PTPRM: variants seen among roughly 807,000 people sequenced by gnomAD.
PTPRM encodes receptor-type tyrosine-protein phosphatase mu.
Under a neutral mutation model 186.7 loss-of-function variants are expected in PTPRM, and 47 were observed. That is an observed-to-expected ratio of 0.25 (90% CI 0.20 to 0.32). The LOEUF (loss-of-function observed/expected upper bound fraction) is 0.32. Among genes scored for constraint, PTPRM ranks in the 10% least tolerant of loss-of-function variants. PTPRM has a pLI of 1.00. For synonymous variants in PTPRM, 668 were observed against 674.9 expected (o/e 0.99, Z 0.16); for missense variants, 1,494 against 1,865.0 (o/e 0.80, Z 3.66).
At chr18:8,083,256 G>A (rs1443099619) in intron 9 of PTPRM, among the ~76,000 whole-genome samples, 1 of 152,130 alleles carries the variant, frequency 6.6e-6, no homozygotes, top group Non-Finnish European at 1.5e-5. Flanking sequence ...AGGGCTTCCT[G>A]TTGTATGTAT....
chr18:8,337,184 T>G (rs1020448923), intron 22 of PTPRM, among the ~76,000 whole-genome samples: 1 of 152,170 alleles, frequency 6.6e-6, no homozygotes, highest in African/African-American at 2.4e-5. Context: ...TCCAAGGGTA[T>G]GCATAGCTCA....
chr18:7,685,106 C>T (rs1447135594), intron 1 of PTPRM, among the ~76,000 whole-genome samples: 1 of 152,154 alleles, frequency 6.6e-6, no homozygotes, highest in African/African-American at 2.4e-5. Context: ...ACAGGAGTGG[C>T]ACATCATCAT....
At chr18:7,780,611 G>T (rs9959159) in intron 2 of PTPRM, among the ~76,000 whole-genome samples, 14 of 152,232 alleles carry the variant, frequency 9.2e-5, no homozygotes, top group East Asian at 1.9e-4. Flanking sequence ...TTCGTGGAAC[G>T]ACTACTATGG....
intron 13 of PTPRM, among the ~76,000 whole-genome samples, chr18:8,122,982 A>G (rs2092228206): frequency 6.6e-6 from 1 of 152,244 alleles, no homozygotes; most frequent in Non-Finnish European, 1.5e-5. Context: ...TGAATGGCTT[A>G]GAGTCATGGA....
intron 2 of PTPRM, among the ~76,000 whole-genome samples, chr18:7,779,386 G>A (rs1425454488): frequency 6.6e-6 from 1 of 152,206 alleles, no homozygotes; most frequent in East Asian, 1.9e-4. Context: ...ATGTGACTAA[G>A]AATTGAATCA....
At position 7,609,449 on chromosome 18, in the gene PTPRM, C is replaced by T. The variant is rs550161993; in HGVS notation, c.73+41558C>T. On this transcript the variant is annotated intron_variant, in intron 1 of 32. Transcript: ENST00000580170. ...TGCTTTGGGGCGCCATTTCCCCTTT[C>T]GGAGAACCAGAGTCCTCTTGCATAG... is the stretch of plus-strand genomic sequence containing the variant. Among the ~76,000 whole-genome samples the T allele has an allele frequency of 5.4e-4, 81 of 151,364 alleles. 2 individuals carry two copies. Among genetic ancestry groups the T allele is most frequent in the Admixed American group, 1.4e-3 (21 of 15,212 alleles).
chr18:7,902,210 A>G (rs1484840211), intron 3 of PTPRM, among the ~76,000 whole-genome samples: 1 of 152,206 alleles, frequency 6.6e-6, no homozygotes, highest in East Asian at 1.9e-4. Context: ...CAGGAAACAT[A>G]TTTGTAATCA....
intron 14 of PTPRM, among the ~76,000 whole-genome samples, chr18:8,145,954 G>A (rs180709584): frequency 4.0e-5 from 6 of 151,764 alleles, no homozygotes; most frequent in South Asian, 4.2e-4. Context: ...CACCAACAGT[G>A]TAAAAGTGTT....
At chr18:7,787,702 T>C (rs1422410459) in intron 2 of PTPRM, among the ~76,000 whole-genome samples, 2 of 152,260 alleles carry the variant, frequency 1.3e-5, no homozygotes, top group Admixed American at 6.5e-5. Context: ...GTGTTGTATA[T>C]GCCACTGAGA....
chr18:8,252,508 C>T lies in PTPRM; in HGVS notation c.2566+9C>T. On this transcript the variant is annotated intron_variant, in intron 18 of 32. Coordinates refer to ENST00000580170, the MANE Select transcript of PTPRM (RefSeq NM_001105244.2). ...AAAAGTGCCAATAAATGGTAAGTTC[C>T]CCGATTCGCCCCATGGAAGAGTTGT... 1 of 1,545,984 alleles carries T rather than the reference C, an allele frequency of 6.5e-7. No individual in the cohort carries two copies. The highest frequency in any genetic ancestry group is 1.4e-5 in the African/African-American group (1 of 73,432).
At chr18:8,280,791 T>C (rs530027926) in intron 19 of PTPRM, among the ~76,000 whole-genome samples, 3 of 152,104 alleles carry the variant, frequency 2.0e-5, no homozygotes, top group Non-Finnish European at 4.4e-5. Flanking sequence ...GGCTGTGCAG[T>C]GATTAAAAGA....
chr18:8,022,570 A>G (rs79074392), intron 7 of PTPRM, among the ~76,000 whole-genome samples: 3,553 of 152,244 alleles, frequency 0.023, 139 homozygotes, highest in African/African-American at 0.081. Context: ...GACAGAAACC[A>G]TAACAGGTCT....
chr18:8,305,631 T>C (rs984089628), intron 20 of PTPRM, among the ~76,000 whole-genome samples: 1 of 152,208 alleles, frequency 6.6e-6, no homozygotes, highest in African/African-American at 2.4e-5. Flanking sequence ...CGTGCTCCAC[T>C]ACACAGAAAT....
chr18:8,215,731 A>G (rs1214250653), intron 14 of PTPRM, among the ~76,000 whole-genome samples: 1 of 151,226 alleles, frequency 6.6e-6, no homozygotes, highest in African/African-American at 2.4e-5. Flanking sequence ...CATTTTTTGT[A>G]GAGACCAGGT....
At chr18:8,405,290 G>T (rs114952791) in intron 32 of PTPRM, 1 of 152,114 alleles carries the variant, frequency 6.6e-6, no homozygotes, top group Non-Finnish European at 1.5e-5. Flanking sequence ...TGTTGCCTCC[G>T]CCTGGAATGC....
intron 7 of PTPRM, among the ~76,000 whole-genome samples, chr18:7,964,200 G>A (rs1003208564): frequency 9.2e-5 from 14 of 152,110 alleles, no homozygotes; most frequent in African/African-American, 3.4e-4. Context: ...TACTGCATAC[G>A]TATGTGTTTT....
At chr18:8,319,380 C>G (rs1188805974) in intron 22 of PTPRM, among the ~76,000 whole-genome samples, 166 bp downstream of exon 22, 1 of 152,162 alleles carries the variant, frequency 6.6e-6, no homozygotes, top group Admixed American at 6.5e-5. Flanking sequence ...TCATGTAAAT[C>G]ATTTAGTTAG....
chr18:8,209,744 G>T (rs931090898), intron 14 of PTPRM, among the ~76,000 whole-genome samples: 3 of 151,948 alleles, frequency 2.0e-5, no homozygotes, highest in Non-Finnish European at 4.4e-5. Context: ...GACACCGCAG[G>T]TTCTCACTCA....
At chr18:7,867,657 A>T (rs567211950) in intron 2 of PTPRM, among the ~76,000 whole-genome samples, 2 of 152,260 alleles carry the variant, frequency 1.3e-5, no homozygotes, top group African/African-American at 4.8e-5. Flanking sequence ...AACCTTGTTG[A>T]ATCTGATGAT....
Sources: allele counts gnomAD v4.1 joint callset (sites outside exome capture counted in the v4.1 genomes callset), GRCh38; gene constraint gnomAD v4.1.1; transcripts MANE v1.5; gene names NCBI Gene and HGNC (gene_info 2026-07-23, HGNC 2026-07-21).